Variants in RNF212B observed in about 807,000 individuals in gnomAD.
RNF212B encodes E3 ubiquitin-protein ligase RNF212B.
RNF212B carries 52 observed loss-of-function variants against 55.5 expected under a neutral mutation model. The ratio of observed to expected loss-of-function variants is 0.94; its 90% confidence interval spans 0.75 to 1.18. RNF212B has a LOEUF of 1.18. RNF212B is among the 50% of genes most tolerant of loss of function. The pLI, the probability that RNF212B is intolerant of heterozygous loss-of-function variation, is 0.00. For synonymous variants in RNF212B, 99 were observed against 121.4 expected (o/e 0.82, Z 1.21); for missense variants, 289 against 350.4 (o/e 0.82, Z 1.40).
At chr14:23,208,776 T>TTTTTTTTTTTTTTTTTTA (rs71119003) in intron 2 of RNF212B, among the ~76,000 whole-genome samples, 1 of 143,620 alleles carries the variant, frequency 7.0e-6, no homozygotes, top group African/African-American at 2.8e-5. Flanking sequence ...TTTTTTTTTT[T>TTTTTTTTTTTTTTTTTTA]GAGACGGAGT....
chr14:23,233,761 A>AAAAG (rs1491548823), upstream of RNF212B, among the ~76,000 whole-genome samples: 2 of 145,142 alleles, frequency 1.4e-5, no homozygotes, highest in Non-Finnish European at 3.0e-5. Flanking sequence ...AAAAAAAAAA[A>AAAAG]GAGTTCTCAA....
At chr14:23,261,612 T>G (rs1885298640) in intron 7 of RNF212B, among the ~76,000 whole-genome samples, 1 of 152,156 alleles carries the variant, frequency 6.6e-6, no homozygotes, top group African/African-American at 2.4e-5. Context: ...AGGCTGGATA[T>G]ATACCACCGG....
rs534121548 is a variant in RNF212B, at chr14:23,210,409, T to A, written c.-2+17008T>A. ...AAAGGATATTAGTAGGAAAATGAGATTTGAACAAAGTCTGGAGTTTAGTTA... is the reference window on the plus strand; with the variant it reads ...AAAGGATATTAGTAGGAAAATGAGAATTGAACAAAGTCTGGAGTTTAGTTA... On this transcript the variant is annotated intron_variant, in intron 2 of 15. Coordinates refer to the RNF212B transcript ENST00000399910. Among the ~76,000 whole-genome samples, 36 of 152,266 alleles carry A rather than the reference T, an allele frequency of 2.4e-4. 1 individual carries two copies. Among genetic ancestry groups the A allele is most frequent in the African/African-American group, 7.5e-4 (31 of 41,564 alleles).
intron 2 of RNF212B, among the ~76,000 whole-genome samples, chr14:23,208,962 G>A (rs1392249740): frequency 6.6e-6 from 1 of 151,324 alleles, no homozygotes. Flanking sequence ...GTTTCATCGT[G>A]TTAGCCGGGA....
At chr14:23,244,830 C>T (rs1164574791) in intron 4 of RNF212B, among the ~76,000 whole-genome samples, 2 of 152,186 alleles carry the variant, frequency 1.3e-5, no homozygotes, top group Non-Finnish European at 2.9e-5. Flanking sequence ...CCCATTCTCA[C>T]TTTTCAATAA....
chr14:23,217,229 A>G (rs1293592403), intron 2 of RNF212B, among the ~76,000 whole-genome samples: 1 of 85,588 alleles, frequency 1.2e-5, no homozygotes, highest in Non-Finnish European at 2.5e-5. Context: ...ACCACCATAG[A>G]CCAGTGGTGG....
In RNF212B at chr14:23,270,356, A is replaced by G. The variant is rs1197631943; in HGVS notation, c.773-244A>G. 5.9e-5 allele frequency among the ~76,000 whole-genome samples: 9 copies of G among 152,350 alleles called. No individual in the cohort carries two copies. In the East Asian group the frequency reaches 1.7e-3, roughly 29 times the overall value. On this transcript the variant is annotated intron_variant, in intron 13 of 14. Coordinates refer to ENST00000430154, the MANE Select transcript of RNF212B (RefSeq NM_001282322.3). ...TCTTGCTAAGAGGCTGCCATCTTCC[A>G]TAGCTCACCTAAATATTTATATTGG... is the stretch of plus-strand genomic sequence containing the variant.
chr14:23,230,374 G>A (rs1367756629), intron 2 of RNF212B, among the ~76,000 whole-genome samples: 2 of 151,980 alleles, frequency 1.3e-5, no homozygotes, highest in Non-Finnish European at 2.9e-5. Context: ...GCCATTGCCG[G>A]CCGGGCGCGG....
At chr14:23,194,437 T>C (rs371525483) in intron 2 of RNF212B, among the ~76,000 whole-genome samples, 7 of 152,060 alleles carry the variant, frequency 4.6e-5, no homozygotes, top group East Asian at 1.9e-4. Context: ...AATGTACCTC[T>C]ATTAGAAGCT....
At chr14:23,232,705 G>A (rs551831571) in intron 2 of RNF212B, among the ~76,000 whole-genome samples, 23 of 138,100 alleles carry the variant, frequency 1.7e-4, no homozygotes, top group African/African-American at 2.7e-4. Context: ...GTCAGCCCCC[G>A]CCCGGCCAGC....
rs1432545540 is a variant in RNF212B at position 23,269,898 on chromosome 14, C to A, written c.710C>A (p.Ser237Tyr). Residue 237 changes from serine to tyrosine, a missense_variant, in exon 13 of 15, where the codon TCT becomes TAT. Coordinates refer to ENST00000430154, the MANE Select transcript of RNF212B (RefSeq NM_001282322.3). ...GCCTCCTCTGGACAGGGGATTTTTT[C>A]TTTCAGACCATCCCCAAATGGGCAT... ...SSASSGQGIFSFRPSPNGHSG... is the reference protein window; with the variant it reads ...SSASSGQGIFYFRPSPNGHSG... The A allele has an allele frequency of 4.5e-6, 7 of 1,549,268 alleles. No individual in the cohort carries two copies. In the African/African-American group the frequency reaches 5.5e-5, roughly 12 times the overall value.
upstream of RNF212B, among the ~76,000 whole-genome samples, chr14:23,233,282 G>C (rs1594910453): frequency 6.6e-6 from 1 of 152,050 alleles, no homozygotes; most frequent in East Asian, 1.9e-4. Flanking sequence ...AAGGCCGCAG[G>C]GTCCTCTGCC....
intron 2 of RNF212B, among the ~76,000 whole-genome samples, chr14:23,219,513 G>T (rs117273234): frequency 6.7e-6 from 1 of 149,756 alleles, no homozygotes; most frequent in African/African-American, 2.5e-5. Context: ...ACTCTGTCGC[G>T]CAGACTGGAG....
chr14:23,239,178 T>C (rs178769), intron 1 of RNF212B, among the ~76,000 whole-genome samples: 77,733 of 151,840 alleles, frequency 0.51, 20,407 homozygotes, highest in African/African-American at 0.63. Flanking sequence ...ATGCCTCAGC[T>C]TCCCAAGTAG....
intron 2 of RNF212B, among the ~76,000 whole-genome samples, chr14:23,242,216 G>T (rs17256127): frequency 0.17 from 25,988 of 152,144 alleles, 2,626 homozygotes; most frequent in South Asian, 0.25. Context: ...ACCTTTTAAA[G>T]TTCGCTAATG....
At chr14:23,205,741 C>T (rs1488274617) in intron 2 of RNF212B, among the ~76,000 whole-genome samples, 1 of 152,188 alleles carries the variant, frequency 6.6e-6, no homozygotes, top group Non-Finnish European at 1.5e-5. Flanking sequence ...GTGGACCAGA[C>T]TGTCTAAAGC....
chr14:23,270,715 C>A, intron 14 of RNF212B, 54 bp downstream of exon 14: 1 of 1,216,438 alleles, frequency 8.2e-7, no homozygotes, highest in Non-Finnish European at 1.2e-6. Flanking sequence ...ATGGTTAGGC[C>A]TGCACACTAA....
At chr14:23,215,208 C>G (rs1195498081) in intron 2 of RNF212B, among the ~76,000 whole-genome samples, 3 of 152,106 alleles carry the variant, frequency 2.0e-5, no homozygotes, top group Non-Finnish European at 4.4e-5. Context: ...CTCCTGTTGT[C>G]ATGTAAGGTG....
chr14:23,207,661 C>T (rs1026811470), intron 2 of RNF212B, among the ~76,000 whole-genome samples: 2 of 152,182 alleles, frequency 1.3e-5, no homozygotes, highest in African/African-American at 4.8e-5. Flanking sequence ...ACTCAGAATC[C>T]TCCCATGGTT....
Sources: gnomAD v4.1 joint callset for allele counts (sites outside exome capture counted in the v4.1 genomes callset) on GRCh38, gnomAD v4.1.1 for gene constraint, MANE v1.5 for transcripts, NCBI Gene and HGNC (gene_info 2026-07-23, HGNC 2026-07-21) for gene names.